The following ZNRF3 variants were observed in gnomAD, a reference collection of about 807,000 sequenced individuals.
ZNRF3 encodes the protein zinc and ring finger 3, also known as E3 ubiquitin-protein ligase ZNRF3.
A neutral mutation model predicts 72.5 loss-of-function variants in ZNRF3; 23 were observed. The ratio of observed to expected loss-of-function variants is 0.32; its 90% confidence interval spans 0.23 to 0.45. The LOEUF (loss-of-function observed/expected upper bound fraction) is 0.45, where lower values mean the gene tolerates loss of function less well. ZNRF3 is among the 20% of genes least tolerant of loss of function. The probability of loss-of-function intolerance (pLI) is 1.00; values close to 1 mark genes in which losing one functional copy is unlikely to be tolerated. For synonymous variants in ZNRF3, 610 were observed against 545.3 expected (o/e 1.12, Z -1.65); for missense variants, 1,169 against 1,272.1 (o/e 0.92, Z 1.23).
At chr22:28,965,220 GGTT>G (rs1347696400) in intron 1 of ZNRF3, among the ~76,000 whole-genome samples, 5 of 152,108 alleles carry the variant, frequency 3.3e-5, no homozygotes, top group African/African-American at 7.2e-5. Context: ...GACATTATAA[GGTT>G]GTTGTTAAGA....
At chr22:28,979,049 A>C (rs1569268776) in intron 1 of ZNRF3, among the ~76,000 whole-genome samples, 1 of 152,080 alleles carries the variant, frequency 6.6e-6, no homozygotes, top group Non-Finnish European at 1.5e-5. Flanking sequence ...TCTTGTTCAG[A>C]ACTATAAAAC....
At chr22:29,034,471 C>A (rs9613780) in intron 2 of ZNRF3, among the ~76,000 whole-genome samples, 47,974 of 152,004 alleles carry the variant, frequency 0.32, 9,215 homozygotes, top group Middle Eastern at 0.43. Context: ...GGAGCAGAGT[C>A]CTCAAGCGTG....
rs1368223735 is a variant in ZNRF3 at position 29,046,731 on chromosome 22, C to T, written c.760C>T (p.Leu254=). The change falls in exon 6 of 9, where the codon CTG becomes TTG. Residue 254 remains leucine (L), a synonymous_variant. Coordinates refer to ENST00000544604, the MANE Select transcript of ZNRF3 (RefSeq NM_001206998.2). ...TGCCCTGCAGAATTCCATGAACAGG[C>T]TGGCTGTGCAGGCTCTAGAGAAGAT... is the stretch of plus-strand genomic sequence containing the variant. The part of the protein sequence containing the change: ...QRRSQNSMNR[L]AVQALEKMET... The T allele has an allele frequency of 1.9e-6, 3 of 1,606,604 alleles. No homozygotes were observed. The East Asian group carries it at 6.7e-5, about 36-fold the overall frequency.
intron 1 of ZNRF3, among the ~76,000 whole-genome samples, chr22:28,957,434 T>TTTTTG (rs967999412): frequency 7.9e-5 from 12 of 151,978 alleles, no homozygotes; most frequent in African/African-American, 9.7e-5. Flanking sequence ...ATAATGACAG[T>TTTTTG]TTTTGTTTTG....
chr22:29,014,503 C>T (rs190151223), intron 2 of ZNRF3, among the ~76,000 whole-genome samples: 3 of 152,290 alleles, frequency 2.0e-5, no homozygotes, highest in Admixed American at 6.5e-5. Context: ...CCTGCCGCTC[C>T]GTGTTTGACA....
At chr22:28,959,322 TCTC>T (rs1444323900) in intron 1 of ZNRF3, among the ~76,000 whole-genome samples, 2 of 152,304 alleles carry the variant, frequency 1.3e-5, no homozygotes, top group East Asian at 1.9e-4. Flanking sequence ...CTGCGCCTCC[TCTC>T]CTCCTTCTCT....
intron 1 of ZNRF3, among the ~76,000 whole-genome samples, chr22:28,898,687 AT>A (rs1303275640): frequency 6.6e-6 from 1 of 152,028 alleles, no homozygotes; most frequent in Non-Finnish European, 1.5e-5. Flanking sequence ...TTCCCCCTAT[AT>A]TTTTTTCCCT....
At chr22:28,913,949 G>C (rs1055687367) in intron 1 of ZNRF3, among the ~76,000 whole-genome samples, 1 of 152,088 alleles carries the variant, frequency 6.6e-6, no homozygotes, top group Admixed American at 6.6e-5. Context: ...ATGCCTCTTC[G>C]TTTGCCCCGC....
chr22:29,036,801 G>A (rs991655146), intron 2 of ZNRF3, among the ~76,000 whole-genome samples: 2 of 152,086 alleles, frequency 1.3e-5, no homozygotes, highest in Admixed American at 6.5e-5. Flanking sequence ...AGAAATACAT[G>A]TATAGTGTGT....
At chr22:28,964,863 A>G (rs2035430870) in intron 1 of ZNRF3, among the ~76,000 whole-genome samples, 1 of 152,228 alleles carries the variant, frequency 6.6e-6, no homozygotes, top group African/African-American at 2.4e-5. Flanking sequence ...GGGAGCTGGC[A>G]CCTTTGGCTA....
Position 29,049,656 on chromosome 22 carries a change from C to G in ZNRF3, c.1475C>G (p.Pro492Arg). ...QEGQSPPSLA[P>R]RGPARAFPPS... ...GGGCAGTCCCCACCTAGCCTCGCAC[C>G]CCGGGGCCCGGCCCGTGCCTTTCCT... Residue 492 changes from proline to arginine, a missense_variant, in exon 8 of 9, where the codon CCC (proline) becomes CGC (arginine). Coordinates refer to ENST00000544604, the MANE Select transcript of ZNRF3 (RefSeq NM_001206998.2). The surrounding 1 kb of genome is among the most constrained non-coding windows in gnomAD (Gnocchi z 5.2). 1 of 1,609,586 alleles carries G rather than the reference C, an allele frequency of 6.2e-7. No homozygotes were observed. Among genetic ancestry groups the G allele is most frequent in the Non-Finnish European group, 8.5e-7 (1 of 1,179,464 alleles).
chr22:28,989,006 T>C (rs1036938127), intron 2 of ZNRF3, among the ~76,000 whole-genome samples: 3 of 152,230 alleles, frequency 2.0e-5, no homozygotes, highest in South Asian at 4.1e-4. Context: ...GAGAGTTTTG[T>C]ATGATTTGGC....
chr22:28,972,494 T>C (rs1017821568), intron 1 of ZNRF3, among the ~76,000 whole-genome samples: 3 of 152,264 alleles, frequency 2.0e-5, no homozygotes, highest in African/African-American at 7.2e-5. Context: ...TAACCACACT[T>C]GATGTTTCCA....
intron 1 of ZNRF3, among the ~76,000 whole-genome samples, chr22:28,898,200 G>A (rs901436023): frequency 6.6e-6 from 1 of 151,776 alleles, no homozygotes; most frequent in Non-Finnish European, 1.5e-5. Flanking sequence ...TATGCACCTC[G>A]GCCTCCCAAA....
At chr22:28,937,753 G>A (rs758485978) in intron 1 of ZNRF3, among the ~76,000 whole-genome samples, 5 of 152,084 alleles carry the variant, frequency 3.3e-5, no homozygotes, top group African/African-American at 7.2e-5. Context: ...CTTACCACTC[G>A]GGAGAGAACC....
intron 1 of ZNRF3, among the ~76,000 whole-genome samples, chr22:28,946,739 G>GT (rs1461054525): frequency 1.3e-5 from 2 of 152,198 alleles, no homozygotes; most frequent in African/African-American, 4.8e-5. Flanking sequence ...TGGGAGGAGG[G>GT]TGTTCTGGGG....
intron 2 of ZNRF3, chr22:29,017,870 T>A (rs1001947180): frequency 4.8e-6 from 2 of 418,908 alleles, no homozygotes; most frequent in African/African-American, 4.1e-5. Context: ...CTAGAAAAAT[T>A]GGGCAAGATT....
chr22:29,035,254 T>A (rs1471273505), intron 2 of ZNRF3, among the ~76,000 whole-genome samples: 1 of 152,206 alleles, frequency 6.6e-6, no homozygotes, highest in South Asian at 2.1e-4. Flanking sequence ...GAGGCCTTTA[T>A]GTATAGGACA....
At chr22:29,002,143 G>A (rs1163052283) in intron 2 of ZNRF3, among the ~76,000 whole-genome samples, 4 of 152,256 alleles carry the variant, frequency 2.6e-5, no homozygotes, top group African/African-American at 4.8e-5. Context: ...TATGTATGTC[G>A]ATGGTCAGGA....
Sources: allele counts gnomAD v4.1 joint callset (sites outside exome capture counted in the v4.1 genomes callset), GRCh38; gene constraint gnomAD v4.1.1; non-coding constraint Gnocchi (gnomAD v3.1); transcripts MANE v1.5; gene names NCBI Gene and HGNC (gene_info 2026-07-23, HGNC 2026-07-21).